The following KCNJ3 variants were observed in gnomAD, a reference collection of about 807,000 sequenced individuals.
The protein encoded by KCNJ3 is potassium inwardly rectifying channel subfamily J member 3.
In KCNJ3, 4 loss-of-function variants were observed where a neutral mutation model predicts 39.2. That is an observed-to-expected ratio of 0.10 (90% confidence interval 0.05 to 0.23). KCNJ3 has a LOEUF of 0.23. Among genes scored for constraint, KCNJ3 ranks in the 10% least tolerant of loss-of-function variants. The pLI, the probability that KCNJ3 is intolerant of heterozygous loss-of-function variation, is 1.00. For synonymous variants in KCNJ3, 230 were observed against 237.4 expected (o/e 0.97, Z 0.29); for missense variants, 276 against 634.9 (o/e 0.43, Z 6.08).
At position 154,854,884 on chromosome 2, in the gene KCNJ3, A is replaced by C. The variant is rs757404503; in HGVS notation, c.1077A>C (p.Lys359Asn). The change falls in exon 3 of 3, where the codon AAA becomes AAC. Residue 359 changes from lysine (K) to asparagine (N), a missense_variant. Around this residue, in one of 4 missense-constraint regions of KCNJ3, gnomAD observed 126 missense variants for 179.8 expected, o/e 0.70. Coordinates refer to ENST00000295101, the MANE Select transcript of KCNJ3 (RefSeq NM_002239.4). Reference protein sequence around the residue: ...FEVPTPPYSVKEQEEMLLMSS... With the variant: ...FEVPTPPYSVNEQEEMLLMSS... Reference sequence around the variant, plus strand: ...TCCCCACCCCACCTTACAGTGTGAAAGAGCAGGAGGAAATGCTTCTCATGT... The same window carrying C: ...TCCCCACCCCACCTTACAGTGTGAACGAGCAGGAGGAAATGCTTCTCATGT... 6.2e-7 allele frequency: 1 copy of C among 1,614,062 alleles called. No individual in the cohort carries two copies.
At chr2:154,723,113 T>C (rs1397109853) in intron 2 of KCNJ3, among the ~76,000 whole-genome samples, 1 of 151,910 alleles carries the variant, frequency 6.6e-6, no homozygotes, top group Non-Finnish European at 1.5e-5. Context: ...GAAGACCCTC[T>C]ATCTGCAAAA....
intron 2 of KCNJ3, among the ~76,000 whole-genome samples, chr2:154,774,484 A>G (rs989793761): frequency 6.6e-6 from 1 of 152,090 alleles, no homozygotes; most frequent in African/African-American, 2.4e-5. Flanking sequence ...TTAGAAAAAG[A>G]TGATGTAATT....
chr2:154,764,290 T>G (rs2961956), intron 2 of KCNJ3, among the ~76,000 whole-genome samples: 78,548 of 152,008 alleles, frequency 0.52, 20,396 homozygotes, highest in East Asian at 0.56. Flanking sequence ...TTGGTTGTTT[T>G]GTTTTGATCA....
At chr2:154,795,440 T>C (rs1157764772) in intron 2 of KCNJ3, among the ~76,000 whole-genome samples, 1 of 152,016 alleles carries the variant, frequency 6.6e-6, no homozygotes, top group Non-Finnish European at 1.5e-5. Context: ...ACTGACCCTC[T>C]TGTAACTCCT....
chr2:154,750,298 G>T (rs1477710075), intron 2 of KCNJ3, among the ~76,000 whole-genome samples: 2 of 151,842 alleles, frequency 1.3e-5, no homozygotes, highest in East Asian at 3.9e-4. Flanking sequence ...TATAGGGTTA[G>T]GTTATAAACT....
At chr2:154,757,297 C>G (rs1685958234) in intron 2 of KCNJ3, among the ~76,000 whole-genome samples, 1 of 151,918 alleles carries the variant, frequency 6.6e-6, no homozygotes, top group Non-Finnish European at 1.5e-5. Flanking sequence ...AGCAGTAGGG[C>G]AGTAAAATAA....
At chr2:154,814,947 A>G (rs1402091077) in intron 2 of KCNJ3, among the ~76,000 whole-genome samples, 1 of 152,216 alleles carries the variant, frequency 6.6e-6, no homozygotes, top group African/African-American at 2.4e-5. Context: ...ATACTTTTAG[A>G]GCCAGAAAGC....
At chr2:154,747,088 C>T (rs1177873926) in intron 2 of KCNJ3, among the ~76,000 whole-genome samples, 4 of 151,838 alleles carry the variant, frequency 2.6e-5, no homozygotes, top group Admixed American at 2.0e-4. Flanking sequence ...GTATAAAGCA[C>T]TTGAGAGTTG....
chr2:154,776,613 A>T (rs980324620), intron 2 of KCNJ3, among the ~76,000 whole-genome samples: 1 of 152,160 alleles, frequency 6.6e-6, no homozygotes, highest in Non-Finnish European at 1.5e-5. Flanking sequence ...TTTCAATTAT[A>T]TGACTGTATC....
chr2:154,723,037 T>G (rs1685291904), intron 2 of KCNJ3, among the ~76,000 whole-genome samples: 1 of 151,930 alleles, frequency 6.6e-6, no homozygotes, highest in Middle Eastern at 3.2e-3. Flanking sequence ...TCCCAGCACT[T>G]TGGGAGGCTG....
intron 2 of KCNJ3, among the ~76,000 whole-genome samples, chr2:154,742,922 T>C (rs562497386): frequency 1.3e-5 from 2 of 151,988 alleles, no homozygotes; most frequent in African/African-American, 4.8e-5. Context: ...ACCTTTTGTA[T>C]CATAGCCAAA....
At chr2:154,789,187 T>C (rs189418059) in intron 2 of KCNJ3, among the ~76,000 whole-genome samples, 2 of 152,196 alleles carry the variant, frequency 1.3e-5, no homozygotes, top group Admixed American at 1.3e-4. Context: ...GATATATGAA[T>C]ATTAGATTTT....
At chr2:154,712,061 A>G (rs1685109702) in intron 2 of KCNJ3, among the ~76,000 whole-genome samples, 1 of 152,192 alleles carries the variant, frequency 6.6e-6, no homozygotes. Flanking sequence ...CAAGACAAAT[A>G]AGAAAAACAT....
At chr2:154,716,477 C>T (rs985065769) in intron 2 of KCNJ3, among the ~76,000 whole-genome samples, 1 of 151,674 alleles carries the variant, frequency 6.6e-6, no homozygotes, top group African/African-American at 2.4e-5. Context: ...ATTATTGTAT[C>T]TCTCTATTGG....
chr2:154,781,602 T>G (rs1442759943), intron 2 of KCNJ3, among the ~76,000 whole-genome samples: 2 of 152,234 alleles, frequency 1.3e-5, no homozygotes, highest in Admixed American at 1.3e-4. Context: ...TTTTAATTGC[T>G]GAAATGATGG....
intron 2 of KCNJ3, among the ~76,000 whole-genome samples, chr2:154,724,340 T>A (rs1685313740): frequency 6.6e-6 from 1 of 152,106 alleles, no homozygotes; most frequent in African/African-American, 2.4e-5. Context: ...TTATTATTAT[T>A]ATTTTATCTA....
At chr2:154,700,796 T>C (rs1684881037) in intron 1 of KCNJ3, among the ~76,000 whole-genome samples, 1 of 152,188 alleles carries the variant, frequency 6.6e-6, no homozygotes, top group Non-Finnish European at 1.5e-5. Flanking sequence ...CTTGACCAAG[T>C]TGCTCAGTAA....
At chr2:154,715,848 A>G (rs1298667662) in intron 2 of KCNJ3, among the ~76,000 whole-genome samples, 3 of 152,114 alleles carry the variant, frequency 2.0e-5, no homozygotes, top group Non-Finnish European at 4.4e-5. Flanking sequence ...ATTTTTTATT[A>G]CTTATCTCCT....
At chr2:154,735,039 C>T (rs920260404) in intron 2 of KCNJ3, among the ~76,000 whole-genome samples, 1 of 150,560 alleles carries the variant, frequency 6.6e-6, no homozygotes, top group African/African-American at 2.5e-5. Context: ...ACGGCTTTAG[C>T]TATCTAGACT....
Sources: allele counts gnomAD v4.1 joint callset (sites outside exome capture counted in the v4.1 genomes callset), GRCh38; gene constraint gnomAD v4.1.1; regional missense constraint gnomAD v4.1.1; transcripts MANE v1.5; gene names NCBI Gene and HGNC (gene_info 2026-07-23, HGNC 2026-07-21).